Variants in LPIN3 observed in about 807,000 individuals in gnomAD.
LPIN3 encodes the protein phosphatidate phosphatase LPIN3.
In LPIN3, 82 loss-of-function variants were observed where a neutral mutation model predicts 94.7. That is an observed-to-expected ratio of 0.87 (90% confidence interval 0.72 to 1.04). The LOEUF (loss-of-function observed/expected upper bound fraction) is 1.04. Ranked by LOEUF, LPIN3 falls within the 50% of genes least tolerant of loss-of-function variation. LPIN3 has a pLI of 0.00. For missense variants in LPIN3, 996 were observed against 1,090.5 expected, an observed-to-expected ratio of 0.91 and a Z score of 1.22; for synonymous variants, 418 against 443.3, an observed-to-expected ratio of 0.94 and a Z score of 0.72.
chr20:41,350,166 G>A lies in LPIN3; in HGVS notation c.871G>A (p.Val291Met), dbSNP rs772608582. The A allele has an allele frequency of 3.3e-5, 54 of 1,613,100 alleles. No individual in the cohort carries two copies. The Middle Eastern group carries it at 6.6e-4, about 20-fold the overall frequency. Reference sequence around the variant, plus strand: ...TCCCTCTACCTCTGTGGCTGGCGGCGTGGACCCTTTGGGACTCCCAATCCA... The same window carrying A: ...TCCCTCTACCTCTGTGGCTGGCGGCATGGACCCTTTGGGACTCCCAATCCA... Reference protein sequence around the residue: ...STPSTSVAGGVDPLGLPIQQT... With the variant: ...STPSTSVAGGMDPLGLPIQQT... Residue 291 changes from valine (V) to methionine (M), a missense_variant, in exon 7 of 20, where the codon GTG (valine) becomes ATG (methionine). Coordinates refer to ENST00000373257, the MANE Select transcript of LPIN3 (RefSeq NM_022896.3).
intron 1 of LPIN3, among the ~76,000 whole-genome samples, chr20:41,342,871 G>A (rs1734061170): frequency 6.6e-6 from 1 of 152,318 alleles, no homozygotes; most frequent in South Asian, 2.1e-4. Flanking sequence ...GTTCACAGAA[G>A]GGGAAACTGA....
rs751783932 is a variant in LPIN3, at chr20:41,358,210, T to TCCCTG, written c.2193-25_2193-21dup. ...GGCTTCTTCCCTACTTTGGCCCCCTTCCCTGCTGTGGTTCTGGCCACCCCA... is the reference window on the plus strand; with the variant it reads ...GGCTTCTTCCCTACTTTGGCCCCCTTCCCTGCCCTGCTGTGGTTCTGGCCACCCCA... On this transcript the variant is annotated intron_variant, in intron 17 of 19. Coordinates refer to ENST00000373257, the MANE Select transcript of LPIN3 (RefSeq NM_022896.3). 2.2e-5 allele frequency: 35 copies of TCCCTG among 1,610,596 alleles called. No individual in the cohort carries two copies. The South Asian group carries it at 3.5e-4, about 16-fold the overall frequency.
chr20:41,345,951 G>A lies in LPIN3; in HGVS notation c.148G>A (p.Val50Met), dbSNP rs373805814. 14 of 1,614,018 alleles carry A rather than the reference G, an allele frequency of 8.7e-6. No individual in the cohort carries two copies. Among genetic ancestry groups the A allele is most frequent in the Admixed American group, 3.3e-5 (2 of 60,010 alleles). ...CTCGTTCCGGTGCTCACCCTTCCAC[G>A]TGCGTTTTGGCAAGCTGGGCGTCCT... Reference protein sequence around the residue: ...DGSFRCSPFHVRFGKLGVLRS... With the variant: ...DGSFRCSPFHMRFGKLGVLRS... Residue 50 changes from valine (V) to methionine (M), a missense_variant, in exon 2 of 20, where the codon GTG becomes ATG. Transcript: ENST00000373257.
intron 4 of LPIN3, 31 bp downstream of exon 4, chr20:41,348,918 G>C: frequency 6.3e-7 from 1 of 1,591,714 alleles, no homozygotes; most frequent in Non-Finnish European, 8.6e-7. Context: ...TTGAACCCCA[G>C]TTTGGGGGTT....
chr20:41,356,517 T>C (rs2046213794), intron 14 of LPIN3, among the ~76,000 whole-genome samples: 1 of 152,142 alleles, frequency 6.6e-6, no homozygotes, highest in African/African-American at 2.4e-5. Context: ...GCAGCTGCCA[T>C]CTGTCTGGTA....
chr20:41,344,364 G>A (rs2146912965), intron 1 of LPIN3, among the ~76,000 whole-genome samples: 2 of 152,348 alleles, frequency 1.3e-5, no homozygotes, highest in Middle Eastern at 6.8e-3. Context: ...CCCTTCTATG[G>A]CCTGTCAGCT....
intron 15 of LPIN3, 83 bp downstream of exon 15, chr20:41,357,271 G>C: frequency 6.2e-7 from 1 of 1,602,476 alleles, no homozygotes; most frequent in South Asian, 1.1e-5. Flanking sequence ...TGGGGAGTGA[G>C]AGGAGCCCTC....
At chr20:41,350,522 C>T (rs2045970700) in intron 7 of LPIN3, 125 bp downstream of exon 7, 2 of 738,576 alleles carry the variant, frequency 2.7e-6, no homozygotes, top group East Asian at 5.5e-5. Flanking sequence ...GCACCAGCCT[C>T]ATGAAGCTCA....
At chr20:41,341,720 C>T (rs111408954) in intron 1 of LPIN3, among the ~76,000 whole-genome samples, 4,493 of 152,296 alleles carry the variant, frequency 0.03, 97 homozygotes, top group African/African-American at 0.059. Context: ...CGGTGGCTCA[C>T]GCCTGTAATC....
intron 3 of LPIN3, 124 bp from the exon 4 acceptor site, chr20:41,348,495 G>T: frequency 7.0e-7 from 1 of 1,424,026 alleles, no homozygotes; most frequent in Non-Finnish European, 9.2e-7. Flanking sequence ...CTCCACACCT[G>T]TTTTCCTGAC....
intron 1 of LPIN3, among the ~76,000 whole-genome samples, chr20:41,342,800 G>T (rs1739311017): frequency 6.6e-6 from 1 of 151,964 alleles, no homozygotes; most frequent in African/African-American, 2.4e-5. Flanking sequence ...AGAGAGGAGA[G>T]AATTCTGGAC....
At position 41,360,155 on chromosome 20, in the gene LPIN3, G is replaced by C. The variant is rs1427411313; in HGVS notation, c.*1289G>C. The C allele has an allele frequency of 1.3e-5, 2 of 152,626 alleles. No homozygotes were observed. The highest frequency in any genetic ancestry group is 2.9e-5 in the Non-Finnish European group (2 of 68,038). The allele number at this position is 152,626 out of a possible 1,614,324, so 9.5% of individuals were successfully genotyped here. On this transcript the variant is annotated 3_prime_UTR_variant, in exon 20 of 20. Transcript: ENST00000373257. ...CAGAGACCGGTGTCAAGAGTCTCTG[G>C]GAACTGCATAGGCCTGAGGAACATG...
Position 41,357,027 on chromosome 20 carries a change from T to G in LPIN3, c.1804-13T>G. 6.2e-7 allele frequency: 1 copy of G among 1,607,550 alleles called. No individual in the cohort carries two copies. The highest frequency in any genetic ancestry group is 1.7e-4 in the Middle Eastern group (1 of 6,034). ...TCATCAATCACGACACACCCCCCTTTGTCTGGCCTCAGCGGCGCCTGAACC... is the reference window on the plus strand; with the variant it reads ...TCATCAATCACGACACACCCCCCTTGGTCTGGCCTCAGCGGCGCCTGAACC... On this transcript the variant is annotated splice_polypyrimidine_tract_variant and intron_variant, in intron 14 of 19. Coordinates refer to ENST00000373257, the MANE Select transcript of LPIN3 (RefSeq NM_022896.3).
At chr20:41,350,445 C>A (rs560663447) in intron 7 of LPIN3, 48 bp downstream of exon 7, 36 of 1,437,384 alleles carry the variant, frequency 2.5e-5, no homozygotes, top group Non-Finnish European at 3.1e-5. Flanking sequence ...CTCGCTCTGT[C>A]CCCTGGGTGG....
chr20:41,353,396 A>T (rs2046094560), intron 11 of LPIN3, among the ~76,000 whole-genome samples: 1 of 152,222 alleles, frequency 6.6e-6, no homozygotes, highest in Non-Finnish European at 1.5e-5. Context: ...TCAAAGGAAG[A>T]CGAAGTTAAC....
chr20:41,354,662 G>A lies in LPIN3; in HGVS notation c.1545G>A (p.Leu515=). The A allele has an allele frequency of 6.3e-7, 1 of 1,593,564 alleles. No individual in the cohort carries two copies. Among genetic ancestry groups the A allele is most frequent in the African/African-American group, 1.3e-5 (1 of 74,802 alleles). Residue 515 remains leucine (L), a synonymous_variant, in exon 12 of 20, where the codon CTG becomes CTA. Transcript: ENST00000373257. ...GCCCACAGAGCACCATGGACAAGCT[G>A]GAGAGGGAGAAGATGCCCCGGAAGG... ...KNLPKSTMDK[L]EREKMPRKGG...
In LPIN3 at chr20:41,348,644, C is replaced by T. The variant is rs1180156090; in HGVS notation, c.314C>T (p.Thr105Ile). Reference protein sequence around the residue: ...DDEHVPPGLCTSPIPWGGLSG... With the variant: ...DDEHVPPGLCISPIPWGGLSG... Reference sequence around the variant, plus strand: ...GAACATGTGCCTCCCGGCCTGTGCACCTCACCCATCCCTTGGGGGGGTCTG... The same window carrying T: ...GAACATGTGCCTCCCGGCCTGTGCATCTCACCCATCCCTTGGGGGGGTCTG... The change falls in exon 4 of 20, where the codon ACC becomes ATC. Residue 105 changes from threonine (T) to isoleucine (I), a missense_variant. By Grantham distance (89) the Thr-to-Ile change is moderately conservative. Transcript: ENST00000373257. 1 of 1,612,646 alleles carries T rather than the reference C, an allele frequency of 6.2e-7. No homozygotes were observed. The highest frequency in any genetic ancestry group is 1.7e-5 in the Admixed American group (1 of 59,992).
intron 7 of LPIN3, among the ~76,000 whole-genome samples, chr20:41,350,915 G>A (rs955421367): frequency 1.3e-5 from 2 of 152,178 alleles, no homozygotes; most frequent in South Asian, 2.1e-4. Flanking sequence ...GACCTGTGCT[G>A]TCCAAATCAG....
chr20:41,352,005 G>A (rs915809947), intron 8 of LPIN3, 55 bp from the exon 9 acceptor site: 29 of 1,613,288 alleles, frequency 1.8e-5, no homozygotes, highest in Non-Finnish European at 1.6e-5. Flanking sequence ...GAGGAGGGAG[G>A]ACCCATCTCC....
Sources: gnomAD v4.1 joint callset for allele counts (sites outside exome capture counted in the v4.1 genomes callset) on GRCh38, gnomAD v4.1.1 for gene constraint, MANE v1.5 for transcripts, NCBI Gene and HGNC (gene_info 2026-07-23, HGNC 2026-07-21) for gene names.